Variants in RYR3 observed in about 807,000 individuals in gnomAD.
RYR3 encodes the protein brain ryanodine receptor-calcium release channel.
RYR3 carries 207 observed loss-of-function variants against 584.3 expected under a neutral mutation model. The ratio of observed to expected loss-of-function variants is 0.35; its 90% CI spans 0.32 to 0.40. RYR3 has a LOEUF of 0.40. RYR3 is among the 10% of genes least tolerant of loss of function. RYR3 has a pLI of 1.00. For synonymous variants in RYR3, 2,416 were observed against 2,248.5 expected, an observed-to-expected ratio of 1.07 and a Z score of -2.11; for missense variants, 5,616 against 6,089.2, an observed-to-expected ratio of 0.92 and a Z score of 2.59.
intron 2 of RYR3, among the ~76,000 whole-genome samples, chr15:33,489,803 T>G (rs1053191277): frequency 6.6e-6 from 1 of 152,236 alleles, no homozygotes; most frequent in African/African-American, 2.4e-5. Context: ...GTTGAACTAA[T>G]TTATACTACC....
At chr15:33,372,137 G>C (rs1245035678) in intron 1 of RYR3, among the ~76,000 whole-genome samples, 1 of 152,130 alleles carries the variant, frequency 6.6e-6, no homozygotes, top group African/African-American at 2.4e-5. Flanking sequence ...GAAGGAGATA[G>C]GATTACTATT....
intron 18 of RYR3, among the ~76,000 whole-genome samples, chr15:33,612,308 C>T (rs901142802): frequency 2.0e-5 from 3 of 152,096 alleles, no homozygotes; most frequent in South Asian, 2.1e-4. Context: ...CCTGCTTATC[C>T]GAAATAATAA....
intron 1 of RYR3, among the ~76,000 whole-genome samples, chr15:33,359,592 C>A (rs1427254528): frequency 7.0e-6 from 1 of 142,982 alleles, no homozygotes; most frequent in Non-Finnish European, 1.6e-5. Flanking sequence ...TTCCCTGACC[C>A]CTTATTTATT....
At chr15:33,478,885 A>G (rs2049686118) in intron 2 of RYR3, among the ~76,000 whole-genome samples, 1 of 152,226 alleles carries the variant, frequency 6.6e-6, no homozygotes, top group Admixed American at 6.5e-5. Context: ...AGGAAGAAGA[A>G]ACTAAGATAG....
chr15:33,863,611 G>C (rs1889326304), intron 102 of RYR3, among the ~76,000 whole-genome samples: 1 of 152,168 alleles, frequency 6.6e-6, no homozygotes. Context: ...ATGGATCACA[G>C]AGCAAGTGAA....
chr15:33,674,274 T>C (rs888193675), intron 38 of RYR3, among the ~76,000 whole-genome samples: 3 of 152,156 alleles, frequency 2.0e-5, no homozygotes, highest in Admixed American at 1.3e-4. Context: ...TAGTAGTAAG[T>C]ACATCTGCAG....
intron 2 of RYR3, among the ~76,000 whole-genome samples, chr15:33,489,283 G>A (rs1461639811): frequency 6.6e-6 from 1 of 152,162 alleles, no homozygotes; most frequent in Non-Finnish European, 1.5e-5. Flanking sequence ...ACAAGGGTTT[G>A]TTGTACAGAG....
At position 33,838,937 on chromosome 15, in the gene RYR3, A is replaced by G. The variant is rs1339636986; in HGVS notation, c.12957A>G (p.Val4319=). ...KDEPPTLEST[V]QKKRKAQAAE... ...AACCCCCTACATTAGAGAGTACTGT[A>G]CAGAAGAAGAGGAAAGCTCAGGTAA... The change falls in exon 89 of 104, where the codon GTA becomes GTG. Residue 4319 remains valine (V), a synonymous_variant. Coordinates refer to ENST00000634891, the MANE Select transcript of RYR3 (RefSeq NM_001036.6). 2 of 1,610,562 alleles carry G rather than the reference A, an allele frequency of 1.2e-6. No homozygotes were observed. Among genetic ancestry groups the G allele is most frequent in the Non-Finnish European group, 1.7e-6 (2 of 1,178,646 alleles).
intron 62 of RYR3, 106 bp downstream of exon 62, chr15:33,769,278 G>A (rs1187063651): frequency 1.2e-6 from 1 of 865,120 alleles, no homozygotes; most frequent in Non-Finnish European, 1.9e-6. Flanking sequence ...GCCAGGCTTT[G>A]AGAAGAGAGG....
intron 1 of RYR3, among the ~76,000 whole-genome samples, chr15:33,389,995 T>C (rs2041890199): frequency 6.6e-6 from 1 of 152,180 alleles, no homozygotes; most frequent in South Asian, 2.1e-4. Flanking sequence ...AAGAGGGCCA[T>C]GTATTTAGGC....
chr15:33,624,394 T>C (rs1438855697), intron 20 of RYR3, among the ~76,000 whole-genome samples: 1 of 152,218 alleles, frequency 6.6e-6, no homozygotes, highest in African/African-American at 2.4e-5. Flanking sequence ...AGAAATCCTT[T>C]AGGCTAGAAT....
chr15:33,456,510 G>C (rs117150515), intron 1 of RYR3, among the ~76,000 whole-genome samples: 61 of 152,290 alleles, frequency 4.0e-4, no homozygotes, highest in East Asian at 3.7e-3. Flanking sequence ...CTTGCAAAGA[G>C]AGCAGTTTGA....
At chr15:33,666,954 A>T (rs552587307) in intron 36 of RYR3, among the ~76,000 whole-genome samples, 1 of 152,372 alleles carries the variant, frequency 6.6e-6, no homozygotes, top group African/African-American at 2.4e-5. Context: ...TAACTCAGAA[A>T]CCAGATCTTC....
chr15:33,775,870 A>G (rs898765955), intron 64 of RYR3, among the ~76,000 whole-genome samples: 2 of 152,136 alleles, frequency 1.3e-5, no homozygotes, highest in African/African-American at 2.4e-5. Flanking sequence ...TAAAACCCCT[A>G]TATTCACTTA....
At chr15:33,369,991 C>T (rs1157253503) in intron 1 of RYR3, among the ~76,000 whole-genome samples, 1 of 152,208 alleles carries the variant, frequency 6.6e-6, no homozygotes, top group Non-Finnish European at 1.5e-5. Context: ...AAATGCTCAT[C>T]AATGTATATG....
intron 1 of RYR3, among the ~76,000 whole-genome samples, chr15:33,401,147 T>A (rs2042637693): frequency 6.6e-6 from 1 of 152,190 alleles, no homozygotes. Flanking sequence ...CGGTCTCTTC[T>A]GCTCGGCTAT....
intron 2 of RYR3, among the ~76,000 whole-genome samples, chr15:33,486,321 G>A (rs542151117): frequency 6.6e-6 from 1 of 152,246 alleles, no homozygotes; most frequent in South Asian, 2.1e-4. Flanking sequence ...TCCATTTTCT[G>A]GTAGCTTTAG....
intron 2 of RYR3, among the ~76,000 whole-genome samples, chr15:33,488,661 G>A (rs1013538745): frequency 6.6e-6 from 1 of 151,964 alleles, no homozygotes; most frequent in Admixed American, 6.5e-5. Flanking sequence ...GACCATCCTG[G>A]CCAACATGGT....
chr15:33,603,973 C>G (rs921050474), intron 18 of RYR3, among the ~76,000 whole-genome samples: 3 of 152,146 alleles, frequency 2.0e-5, no homozygotes, highest in African/African-American at 7.2e-5. Context: ...GATGCTTTTC[C>G]CAAGCATGTC....
Sources: gnomAD v4.1 joint callset for allele counts (sites outside exome capture counted in the v4.1 genomes callset) on GRCh38, gnomAD v4.1.1 for gene constraint, MANE v1.5 for transcripts, NCBI Gene and HGNC (gene_info 2026-07-23, HGNC 2026-07-21) for gene names.